Variants in ZNF267 observed in about 807,000 individuals in gnomAD.
The protein encoded by ZNF267 is zinc finger protein 267, also known as zinc finger (C2H2).
A neutral mutation model predicts 71.6 loss-of-function variants in ZNF267; 61 were observed. That is an observed-to-expected ratio of 0.85 (90% CI 0.69 to 1.05). The LOEUF (loss-of-function observed/expected upper bound fraction) is 1.05, where lower values mean the gene tolerates loss of function less well. ZNF267 is among the 50% of genes least tolerant of loss of function. The probability of loss-of-function intolerance (pLI) is 0.00; values close to 1 mark genes in which losing one functional copy is unlikely to be tolerated. For synonymous variants in ZNF267, 288 were observed against 293.2 expected, an observed-to-expected ratio of 0.98 and a Z score of 0.18; for missense variants, 852 against 870.0, an observed-to-expected ratio of 0.98 and a Z score of 0.26.
At chr16:31,882,013 C>G (rs2083893968) in intron 1 of ZNF267, among the ~76,000 whole-genome samples, 1 of 152,124 alleles carries the variant, frequency 6.6e-6, no homozygotes, top group African/African-American at 2.4e-5. Flanking sequence ...CTGTATCCCT[C>G]CCATCTGTCT....
At chr16:31,902,080 G>A (rs893706479) in intron 3 of ZNF267, among the ~76,000 whole-genome samples, 1 of 152,138 alleles carries the variant, frequency 6.6e-6, no homozygotes, top group South Asian at 2.1e-4. Flanking sequence ...TTTTTGTCAG[G>A]TTTGTCAAAG....
In ZNF267 at chr16:31,916,827, G is replaced by A. The variant is rs1216027522; in HGVS notation, c.*346G>A. Reference sequence around the variant, plus strand: ...TTGCAGATGCAATAAATGTGAGGAAGTATTTAATAAAAAATGAAGTCTAAA... The same window carrying A: ...TTGCAGATGCAATAAATGTGAGGAAATATTTAATAAAAAATGAAGTCTAAA... On this transcript the variant is annotated 3_prime_UTR_variant, in exon 4 of 4. Transcript: ENST00000300870. The A allele has an allele frequency of 1.0e-5, 2 of 192,880 alleles. No homozygotes were observed. The highest frequency in any genetic ancestry group is 2.2e-5 in the Non-Finnish European group (2 of 92,918). The allele number at this position is 192,880 out of a possible 1,614,324, so 11.9% of individuals were successfully genotyped here.
chr16:31,907,623 C>G (rs2084101954), intron 3 of ZNF267, among the ~76,000 whole-genome samples: 1 of 152,020 alleles, frequency 6.6e-6, no homozygotes, highest in African/African-American at 2.4e-5. Context: ...AATATTTTAG[C>G]CAGTTATGTG....
intron 3 of ZNF267, among the ~76,000 whole-genome samples, chr16:31,897,467 C>T (rs1412412204): frequency 6.6e-6 from 1 of 152,042 alleles, no homozygotes; most frequent in African/African-American, 2.4e-5. Flanking sequence ...ATCTATAATA[C>T]TTGTCTGTCT....
At chr16:31,874,059 C>T (rs567813215) in intron 1 of ZNF267, 90 bp downstream of exon 1, 17 of 1,447,938 alleles carry the variant, frequency 1.2e-5, no homozygotes, top group Non-Finnish European at 1.5e-5. Context: ...CGGGCCTCCC[C>T]GCAGTCAGCC....
chr16:31,876,566 T>G (rs1176895916), intron 1 of ZNF267, among the ~76,000 whole-genome samples: 1 of 152,226 alleles, frequency 6.6e-6, no homozygotes, highest in East Asian at 1.9e-4. Context: ...TAGAATTGTT[T>G]ATATATGATT....
At position 31,915,257 on chromosome 16, in the gene ZNF267, C is replaced by G. The variant is rs1466817795; in HGVS notation, c.1008C>G (p.His336Gln). Reference sequence around the variant, plus strand: ...GGGATAGCTTAAACCATAGTTTGCACCTTACTCAACATCAGATCATTCCTA... The same window carrying G: ...GGGATAGCTTAAACCATAGTTTGCAGCTTACTCAACATCAGATCATTCCTA... ...KCGDSLNHSL[H>Q]LTQHQIIPTE... is the part of the protein sequence containing the mutation. The change falls in exon 4 of 4, where the codon CAC becomes CAG. Residue 336 changes from histidine to glutamine, a missense_variant. His to Gln is a conservative substitution (Grantham distance 24, BLOSUM62 0). Coordinates refer to ENST00000300870, the MANE Select transcript of ZNF267 (RefSeq NM_003414.6). 1 of 1,613,840 alleles carries G rather than the reference C, an allele frequency of 6.2e-7. No homozygotes were observed. Among genetic ancestry groups the G allele is most frequent in the African/African-American group, 1.3e-5 (1 of 74,920 alleles).
At chr16:31,891,152 A>G (rs1186197980) in intron 3 of ZNF267, among the ~76,000 whole-genome samples, 1 of 152,068 alleles carries the variant, frequency 6.6e-6, no homozygotes, top group Admixed American at 6.5e-5. Context: ...AAAATATCTT[A>G]TATTTGTAAC....
rs2083831938 is a variant in ZNF267, at chr16:31,873,889, A to G, written c.-78A>G. ...GCGGCTTCGCGTTCTGAGAATAAAC[A>G]GAACCTCTGTTGCTCTGCGACTTGC... On this transcript the variant is annotated 5_prime_UTR_variant, in exon 1 of 4. Coordinates refer to ENST00000300870, the MANE Select transcript of ZNF267 (RefSeq NM_003414.6). 6.2e-7 allele frequency: 1 copy of G among 1,602,848 alleles called. No homozygotes were observed. The highest frequency in any genetic ancestry group is 8.5e-7 in the Non-Finnish European group (1 of 1,169,884).
rs1246138063 is a variant in ZNF267 at position 31,915,447 on chromosome 16, A to G, written c.1198A>G (p.Arg400Gly). ...TRSSNLIVHQ[R>G]IHTGEKPYKC... ...TTCCTCCAATCTTATTGTGCATCAG[A>G]GAATTCACACTGGAGAGAAACCATA... Residue 400 changes from arginine to glycine, a missense_variant, in exon 4 of 4, where the codon AGA becomes GGA. Arg to Gly is a moderately radical substitution (Grantham distance 125, BLOSUM62 -2). Transcript: ENST00000300870. 7.4e-6 allele frequency: 12 copies of G among 1,613,952 alleles called. No individual in the cohort carries two copies. Among genetic ancestry groups the G allele is most frequent in the Non-Finnish European group, 1.0e-5 (12 of 1,179,930 alleles).
rs918911632 is a variant in ZNF267, at chr16:31,917,213, T to G, written c.*732T>G. ...TACGTTAATATCATTAATATCAGCA[T>G]TTTTCATGGAAGTTTAATGCCAAAT... On this transcript the variant is annotated 3_prime_UTR_variant, in exon 4 of 4. Transcript: ENST00000300870. 2 of 152,146 alleles carry G rather than the reference T, an allele frequency of 1.3e-5. No homozygotes were observed. The highest frequency in any genetic ancestry group is 4.8e-5 in the African/African-American group (2 of 41,406). 9.4% of individuals were successfully genotyped at this position (152,146 alleles called of 1,614,324 possible).
intron 3 of ZNF267, among the ~76,000 whole-genome samples, chr16:31,892,197 C>G (rs868363177): frequency 2.0e-5 from 3 of 152,126 alleles, no homozygotes; most frequent in African/African-American, 7.2e-5. Context: ...AGGAGCAAGT[C>G]ACATCTTACA....
intron 3 of ZNF267, among the ~76,000 whole-genome samples, chr16:31,907,528 G>A (rs185935734): frequency 2.4e-3 from 369 of 152,074 alleles, no homozygotes; most frequent in Non-Finnish European, 4.1e-3. Context: ...GTTTTTATAG[G>A]TTTAATCTCT....
chr16:31,881,168 G>T (rs1315557023), intron 1 of ZNF267, among the ~76,000 whole-genome samples: 1 of 152,194 alleles, frequency 6.6e-6, no homozygotes, highest in Non-Finnish European at 1.5e-5. Context: ...TAAATTGCTT[G>T]TTGCATGTTA....
intron 1 of ZNF267, among the ~76,000 whole-genome samples, chr16:31,879,763 C>G (rs7196433): frequency 0.018 from 2,769 of 152,284 alleles, 95 homozygotes; most frequent in African/African-American, 0.064. Context: ...TCTTTCCATG[C>G]CCCTGGCATC....
At chr16:31,904,573 T>TTTA (rs1274104377) in intron 3 of ZNF267, among the ~76,000 whole-genome samples, 1 of 152,232 alleles carries the variant, frequency 6.6e-6, no homozygotes, top group Admixed American at 6.5e-5. Context: ...TCTTTGTTGG[T>TTTA]TTAAAATCTG....
At position 31,904,877 on chromosome 16, in the gene ZNF267, G is replaced by A. The variant is rs911992701; in HGVS notation, c.227-9599G>A. Among the ~76,000 whole-genome samples, 90 of 152,204 alleles carry A rather than the reference G, an allele frequency of 5.9e-4. 1 individual carries two copies. Among genetic ancestry groups the A allele is most frequent in the Non-Finnish European group, 5.9e-5 (4 of 68,040 alleles). On this transcript the variant is annotated intron_variant, in intron 3 of 3. Coordinates refer to ENST00000300870, the MANE Select transcript of ZNF267 (RefSeq NM_003414.6). ...CATTAGTTGATGTAGTTTCTTTCTA[G>A]CCTTGATGGTCTTTACAGTTTGGCA... is the stretch of plus-strand genomic sequence containing the variant.
chr16:31,915,028 A>C lies in ZNF267; in HGVS notation c.779A>C (p.Gln260Pro). 1 of 1,611,098 alleles carries C rather than the reference A, an allele frequency of 6.2e-7. No homozygotes were observed. Among genetic ancestry groups the C allele is most frequent in the Non-Finnish European group, 8.5e-7 (1 of 1,179,234 alleles). ...GTCTTTCTTCAGAGTATGCATGGGC[A>C]AGAGAAACAAGAACAGTCTTACAAA... ...EEVFLQSMHG[Q>P]EKQEQSYKCN... is the part of the protein sequence containing the mutation. The change falls in exon 4 of 4, where the codon CAA becomes CCA. Residue 260 changes from glutamine to proline, a missense_variant. By Grantham distance (76) the Gln-to-Pro change is moderately conservative. Transcript: ENST00000300870.
At chr16:31,890,303 A>C (rs1464957307) in intron 3 of ZNF267, 1 of 152,198 alleles carries the variant, frequency 6.6e-6, no homozygotes, top group East Asian at 1.9e-4. Context: ...GGGTGCATAC[A>C]TAGTTTTAGT....
Sources: allele counts gnomAD v4.1 joint callset (sites outside exome capture counted in the v4.1 genomes callset), GRCh38; gene constraint gnomAD v4.1.1; transcripts MANE v1.5; gene names NCBI Gene and HGNC (gene_info 2026-07-23, HGNC 2026-07-21).